LRR1: variants seen among roughly 807,000 people sequenced by gnomAD.
The protein encoded by LRR1 is leucine rich repeat protein 1.
In LRR1, 29 loss-of-function variants were observed where a neutral mutation model predicts 31.6. The observed-to-expected ratio is 0.92, with a 90% CI of 0.68 to 1.25. The LOEUF is 1.25. Among genes scored for constraint, LRR1 ranks in the 50% most tolerant of loss-of-function variants. LRR1 has a pLI of 0.00. For missense variants in LRR1, 485 were observed against 487.2 expected (o/e 1.00, Z 0.04); for synonymous variants, 179 against 181.4 (o/e 0.99, Z 0.10).
At chr14:49,613,938 A>T (rs1325564532) in intron 3 of LRR1, among the ~76,000 whole-genome samples, 1 of 152,236 alleles carries the variant, frequency 6.6e-6, no homozygotes, top group African/African-American at 2.4e-5. Context: ...TCATGTCCCA[A>T]GTGACATGTA....
rs71408651 is a variant in LRR1 at position 49,608,406 on chromosome 14, A to ATTTTTTTTTT, written c.1004+317_1004+326dup. On this transcript the variant is annotated intron_variant, in intron 3 of 3. Transcript: ENST00000298288. ...ATTCCTTCCCTCCTTACATTGCTTG[A>ATTTTTTTTTT]TTTTTTTTTTTTTTTTTTTTTTTTT... Among the ~76,000 whole-genome samples the ATTTTTTTTTT allele has an allele frequency of 4.1e-3, 86 of 21,092 alleles. 7 individuals carry two copies. Among genetic ancestry groups the ATTTTTTTTTT allele is most frequent in the Non-Finnish European group, 5.0e-3 (61 of 12,158 alleles). The allele number at this position is 21,092 out of a possible 152,430, so 13.8% of individuals were successfully genotyped here. A position where few individuals can be genotyped will look rare whatever the true frequency, so the allele number is the denominator to read the frequency against.
At chr14:49,606,033 C>CTT (rs544111582) in intron 2 of LRR1, among the ~76,000 whole-genome samples, 9 of 124,458 alleles carry the variant, frequency 7.2e-5, no homozygotes, top group Non-Finnish European at 1.2e-4. Flanking sequence ...TTTTTTTTTT[C>CTT]TTTTTTTTTT....
intron 1 of LRR1, chr14:49,600,532 T>C (rs1566490805): frequency 6.4e-7 from 1 of 1,568,866 alleles, no homozygotes; most frequent in Non-Finnish European, 8.7e-7. Context: ...GAGGCTATCA[T>C]AGCCATTTTA....
At chr14:49,599,271 G>A in intron 1 of LRR1, 68 bp downstream of exon 1, 1 of 1,476,006 alleles carries the variant, frequency 6.8e-7, no homozygotes, top group Non-Finnish European at 9.0e-7. Flanking sequence ...GGCCACCCTC[G>A]GTCCTCATGC....
At chr14:49,608,406 A>ATTTTTTTTTTTTTTTTTTTTTTT (rs71408651) in intron 3 of LRR1, among the ~76,000 whole-genome samples, 3 of 21,098 alleles carry the variant, frequency 1.4e-4, no homozygotes, top group Admixed American at 5.7e-4. Context: ...ACATTGCTTG[A>ATTTTTTTTTTTTTTTTTTTTTTT]TTTTTTTTTT....
intron 3 of LRR1, among the ~76,000 whole-genome samples, chr14:49,612,052 G>A (rs1449201450): frequency 2.0e-5 from 3 of 152,148 alleles, no homozygotes; most frequent in Non-Finnish European, 4.4e-5. Flanking sequence ...AAATGATCAG[G>A]TGAAAACATG....
chr14:49,614,235 T>G, intron 3 of LRR1, 21 bp from the exon 4 acceptor site: 1 of 1,597,320 alleles, frequency 6.3e-7, no homozygotes, highest in Non-Finnish European at 8.5e-7. Flanking sequence ...TATAAAATAT[T>G]TTTATCATTC....
intron 1 of LRR1, 119 bp from the exon 2 acceptor site, chr14:49,602,251 C>A: frequency 1.7e-6 from 1 of 600,220 alleles, no homozygotes; most frequent in Non-Finnish European, 2.7e-6. Flanking sequence ...AACACTCAGA[C>A]TCAAGGACTA....
intron 1 of LRR1, chr14:49,601,716 T>C (rs1349742044): frequency 2.3e-6 from 3 of 1,277,244 alleles, no homozygotes; most frequent in South Asian, 2.5e-5. Context: ...AGGAGCATTC[T>C]CTCAAAACAT....
At chr14:49,599,386 A>G (rs926466469) in intron 1 of LRR1, among the ~76,000 whole-genome samples, 183 bp downstream of exon 1, 1 of 152,200 alleles carries the variant, frequency 6.6e-6, no homozygotes, top group African/African-American at 2.4e-5. Context: ...CTTCCTACGG[A>G]CCCGAAAGAA....
intron 1 of LRR1, chr14:49,600,225 T>C (rs1456267958): frequency 9.4e-6 from 14 of 1,485,870 alleles, no homozygotes; most frequent in Admixed American, 8.4e-5. Flanking sequence ...GCCTTTATCT[T>C]ACCCAATGAC....
chr14:49,600,291 A>T lies in LRR1; in HGVS notation c.183+1088A>T. 3 of 1,487,732 alleles carry T rather than the reference A, an allele frequency of 2.0e-6. No homozygotes were observed. The South Asian group carries it at 3.4e-5, about 17-fold the overall frequency. The allele number at this position is 1,487,732 out of a possible 1,614,324, so 92.2% of individuals were successfully genotyped here. A position where few individuals can be genotyped will look rare whatever the true frequency, so the allele number is the denominator to read the frequency against. On this transcript the variant is annotated intron_variant, in intron 1 of 3. Coordinates refer to ENST00000298288, the MANE Select transcript of LRR1 (RefSeq NM_152329.4). The stretch of plus-strand genomic sequence containing the variant: ...AAATCCAGCCTCATTTCAAAATGTG[A>T]GGGAGGAGTGGGTACCGGAACTTAA...
At chr14:49,609,139 G>C (rs541650581) in intron 3 of LRR1, among the ~76,000 whole-genome samples, 1 of 148,030 alleles carries the variant, frequency 6.8e-6, no homozygotes, top group Non-Finnish European at 1.5e-5. Context: ...GGATGGTCTC[G>C]ATCTCCTGAC....
chr14:49,601,788 T>C (rs1882063202), intron 1 of LRR1: 2 of 541,344 alleles, frequency 3.7e-6, no homozygotes, highest in South Asian at 1.9e-5. Flanking sequence ...CACCACCAGC[T>C]AGATGAGGAG....
chr14:49,602,134 AAAC>A (rs1161672491), intron 1 of LRR1, among the ~76,000 whole-genome samples: 7 of 143,878 alleles, frequency 4.9e-5, no homozygotes, highest in Non-Finnish European at 1.0e-4. Context: ...TCTCAAAAAA[AAAC>A]AACTTTTTTT....
rs774827042 is a variant in LRR1 at position 49,599,035 on chromosome 14, T to C, written c.15T>C (p.Cys5=). The C allele has an allele frequency of 5.0e-6, 8 of 1,609,276 alleles. No homozygotes were observed. The South Asian group carries it at 7.8e-5, about 16-fold the overall frequency. The change falls in exon 1 of 4, where the codon TGT becomes TGC. Residue 5 remains cysteine, a synonymous_variant. Coordinates refer to ENST00000298288, the MANE Select transcript of LRR1 (RefSeq NM_152329.4). Reference sequence around the variant, plus strand: ...CGTTGGGCGAGATGAAGCTACACTGTGAGGTGGAGGTGATCAGCCGGCACT... The same window carrying C: ...CGTTGGGCGAGATGAAGCTACACTGCGAGGTGGAGGTGATCAGCCGGCACT... MKLH[C]EVEVISRHLP...
At chr14:49,600,874 A>G (rs1489696287) in intron 1 of LRR1, 2 of 1,229,298 alleles carry the variant, frequency 1.6e-6, no homozygotes, top group Non-Finnish European at 2.2e-6. Context: ...TTCATAGTTT[A>G]AAAAGCTACA....
At chr14:49,603,626 C>A in intron 2 of LRR1, 1 of 1,058,714 alleles carries the variant, frequency 9.4e-7, no homozygotes, top group Non-Finnish European at 1.2e-6. Context: ...CAGGTGGGTG[C>A]CACCACTCCT....
At chr14:49,611,431 C>T (rs1038805167) in intron 3 of LRR1, among the ~76,000 whole-genome samples, 75 of 152,142 alleles carry the variant, frequency 4.9e-4, no homozygotes, top group African/African-American at 1.8e-3. Context: ...GCCGAGATGG[C>T]ACCACTGCAC....
Sources: allele counts gnomAD v4.1 joint callset (sites outside exome capture counted in the v4.1 genomes callset), GRCh38; gene constraint gnomAD v4.1.1; transcripts MANE v1.5; gene names NCBI Gene and HGNC (gene_info 2026-07-23, HGNC 2026-07-21).